BCKDHB: variants seen among roughly 807,000 people sequenced by gnomAD.
BCKDHB encodes the protein 2-oxoisovalerate dehydrogenase subunit beta, mitochondrial.
BCKDHB carries 41 observed loss-of-function variants against 48.5 expected under a neutral mutation model. That is an observed-to-expected ratio of 0.85 (90% CI 0.66 to 1.10). BCKDHB has a LOEUF of 1.10. Ranked by LOEUF, BCKDHB falls within the 50% of genes least tolerant of loss-of-function variation. The probability of loss-of-function intolerance (pLI) is 0.00; values close to 1 mark genes in which losing one functional copy is unlikely to be tolerated. For synonymous variants in BCKDHB, 201 were observed against 174.8 expected, an observed-to-expected ratio of 1.15 and a Z score of -1.18; for missense variants, 496 against 494.2, an observed-to-expected ratio of 1.00 and a Z score of -0.03.
intron 3 of BCKDHB, among the ~76,000 whole-genome samples, chr6:80,143,162 C>T (rs1485012862): frequency 1.3e-5 from 2 of 152,130 alleles, no homozygotes; most frequent in Non-Finnish European, 2.9e-5. Flanking sequence ...TAAATTTCAA[C>T]TGCTCCTCTT....
the BCKDHB span, among the ~76,000 whole-genome samples, chr6:80,423,370 A>G: frequency 1.3e-5 from 2 of 152,228 alleles, no homozygotes; most frequent in African/African-American, 4.8e-5. Flanking sequence ...ACAGACTAAT[A>G]CAGGCTCTAA....
At chr6:80,293,612 G>A (rs990661019) in intron 9 of BCKDHB, among the ~76,000 whole-genome samples, 1 of 152,146 alleles carries the variant, frequency 6.6e-6, no homozygotes, top group Non-Finnish European at 1.5e-5. Flanking sequence ...TTAACATTGG[G>A]CTCCTTATTA....
In BCKDHB at chr6:80,255,476, A is replaced by G. The variant is rs548131744; in HGVS notation, c.952-17659A>G. ...TCCATTTACAAAAAATAAAAGGACA[A>G]AAATTCATCAACACCTGTGAAAAGA... is the stretch of plus-strand genomic sequence containing the variant. On this transcript the variant is annotated intron_variant, in intron 8 of 9. Coordinates refer to ENST00000320393, the MANE Select transcript of BCKDHB (RefSeq NM_183050.4). Among the ~76,000 whole-genome samples, 3 of 152,338 alleles carry G rather than the reference A, an allele frequency of 2.0e-5. No individual in the cohort carries two copies. The East Asian group carries it at 5.8e-4, about 29-fold the overall frequency.
chr6:80,219,156 T>A (rs1775300324), intron 8 of BCKDHB, among the ~76,000 whole-genome samples: 1 of 152,208 alleles, frequency 6.6e-6, no homozygotes, highest in Non-Finnish European at 1.5e-5. Flanking sequence ...AAGACAAGCC[T>A]TTAAAATATC....
chr6:80,329,324 G>T (rs967086801), intron 9 of BCKDHB, among the ~76,000 whole-genome samples: 10 of 152,040 alleles, frequency 6.6e-5, no homozygotes, highest in Admixed American at 2.6e-4. Context: ...TAGTGTGTTT[G>T]ACTTACCACT....
chr6:80,132,716 C>T (rs1770690377), intron 3 of BCKDHB, among the ~76,000 whole-genome samples: 1 of 152,082 alleles, frequency 6.6e-6, no homozygotes. Context: ...AGTGAAGTTA[C>T]ACTTTATTAA....
chr6:80,295,856 G>A (rs74446997), intron 9 of BCKDHB, among the ~76,000 whole-genome samples: 4,606 of 152,076 alleles, frequency 0.03, 85 homozygotes, highest in East Asian at 0.052. Flanking sequence ...ACCTCCCACC[G>A]GATCCCTCCT....
chr6:80,448,580 A>G, the BCKDHB span, among the ~76,000 whole-genome samples: 11 of 152,280 alleles, frequency 7.2e-5, no homozygotes, highest in African/African-American at 2.6e-4. Flanking sequence ...GACAAGGGGG[A>G]AAAAAGGATA....
chr6:80,125,098 A>G (rs966248171), intron 1 of BCKDHB, among the ~76,000 whole-genome samples: 6 of 152,232 alleles, frequency 3.9e-5, no homozygotes, highest in African/African-American at 1.4e-4. Flanking sequence ...AGCCACCTTC[A>G]TCAATGATCT....
the BCKDHB span, among the ~76,000 whole-genome samples, chr6:80,408,593 A>G: frequency 1.6e-4 from 24 of 152,144 alleles, no homozygotes; most frequent in African/African-American, 4.6e-4. Flanking sequence ...GGGAGGTTGT[A>G]TGTGTCCCAG....
Position 80,129,201 on chromosome 6 carries a change from A to G in BCKDHB, c.315A>G (p.Arg105=), listed in dbSNP as rs1770499965. The G allele has an allele frequency of 6.2e-7, 1 of 1,611,688 alleles. No homozygotes were observed. The change falls in exon 3 of 10, where the codon AGA becomes AGG. Residue 105 remains arginine, a synonymous_variant. Transcript: ENST00000320393. ...ATGTTGCCTTTGGTGGAGTCTTTAG[A>G]TGCACTGTTGGCTTGCGAGACAAAT... is the stretch of plus-strand genomic sequence containing the variant. ...GEDVAFGGVF[R]CTVGLRDKYG... is the part of the protein sequence containing the mutation.
At chr6:80,450,135 T>C in the BCKDHB span, among the ~76,000 whole-genome samples, 1 of 152,128 alleles carries the variant, frequency 6.6e-6, no homozygotes, top group South Asian at 2.1e-4. Context: ...AAAGTGCTAT[T>C]GGGAGGGTGT....
chr6:80,325,029 G>A (rs150404954), intron 9 of BCKDHB, among the ~76,000 whole-genome samples: 1 of 152,160 alleles, frequency 6.6e-6, no homozygotes, highest in South Asian at 2.1e-4. Flanking sequence ...TATTTTACAT[G>A]TGCAAATTAT....
chr6:80,113,209 G>A (rs941356935), intron 1 of BCKDHB, among the ~76,000 whole-genome samples: 1 of 152,194 alleles, frequency 6.6e-6, no homozygotes. Flanking sequence ...TGCAACACAC[G>A]TAAGGATCAT....
intron 8 of BCKDHB, among the ~76,000 whole-genome samples, chr6:80,244,437 G>A (rs537270644): frequency 2.3e-4 from 35 of 152,302 alleles, no homozygotes; most frequent in Middle Eastern, 3.4e-3. Context: ...AAATCAAATT[G>A]TGAGGAGCTC....
At chr6:80,374,513 A>C in the BCKDHB span, 2 of 735,706 alleles carry the variant, frequency 2.7e-6, no homozygotes, top group South Asian at 2.7e-5. Context: ...AAAGATTGGA[A>C]CCTCTTGATT....
At position 80,257,924 on chromosome 6, in the gene BCKDHB, C is replaced by CAA. The variant is rs1219627360; in HGVS notation, c.952-15210_952-15209dup. On this transcript the variant is annotated intron_variant, in intron 8 of 9. Transcript: ENST00000320393. ...CCTGACTGCAATAAGGACAGATCTTCAAGTTAACACCTCAACTTAACTATT... is the reference window on the plus strand; with the variant it reads ...CCTGACTGCAATAAGGACAGATCTTCAAAAGTTAACACCTCAACTTAACTATT... Among the ~76,000 whole-genome samples, 8 of 152,062 alleles carry CAA rather than the reference C, an allele frequency of 5.3e-5. No homozygotes were observed. In the South Asian group the frequency reaches 1.2e-3, roughly 24 times the overall value.
intron 9 of BCKDHB, among the ~76,000 whole-genome samples, chr6:80,277,651 G>T (rs1778019859): frequency 7.1e-6 from 1 of 141,836 alleles, no homozygotes; most frequent in South Asian, 2.2e-4. Flanking sequence ...GTTGGCTTAA[G>T]ATTTGAGTTT....
intron 9 of BCKDHB, among the ~76,000 whole-genome samples, chr6:80,300,633 A>T (rs1582531668): frequency 6.6e-6 from 1 of 152,198 alleles, no homozygotes; most frequent in East Asian, 1.9e-4. Flanking sequence ...CTGGATGTTA[A>T]CTCAACATGT....
Sources: allele counts gnomAD v4.1 joint callset (sites outside exome capture counted in the v4.1 genomes callset), GRCh38; gene constraint gnomAD v4.1.1; transcripts MANE v1.5; gene names NCBI Gene and HGNC (gene_info 2026-07-23, HGNC 2026-07-21).